GPC3: variants seen among roughly 807,000 people sequenced by gnomAD.
The protein encoded by GPC3 is glypican 3.
Under a neutral mutation model 34.4 loss-of-function variants are expected in GPC3, and 3 were observed. The observed-to-expected ratio is 0.09, with a 90% CI of 0.04 to 0.23. GPC3 has a LOEUF of 0.23. GPC3 is among the 10% of genes least tolerant of loss of function. The pLI is 1.00. For missense variants in GPC3, 351 were observed against 445.6 expected (o/e 0.79, Z 1.91); for synonymous variants, 177 against 174.0 (o/e 1.02, Z -0.13).
chrX:133,795,450 C>T (rs2075573522), intron 2 of GPC3, among the ~76,000 whole-genome samples: 1 of 111,335 alleles, frequency 9.0e-6, no homozygotes, highest in Non-Finnish European at 1.9e-5. Context: ...ATTCATGTTG[C>T]AGTGCCTGGT....
intron 2 of GPC3, among the ~76,000 whole-genome samples, chrX:133,831,257 G>A (rs1000220224): frequency 5.4e-5 from 6 of 111,808 alleles, no homozygotes; most frequent in Non-Finnish European, 1.1e-4. Context: ...TAAAATCTAG[G>A]TCTGTACCTG....
chrX:133,840,048 C>T (rs757921791), intron 2 of GPC3, among the ~76,000 whole-genome samples: 1 of 109,946 alleles, frequency 9.1e-6, no homozygotes, highest in South Asian at 4.0e-4. Context: ...AAAAAAGGAA[C>T]TAGGTATTAG....
At chrX:133,939,256 C>T (rs764931919) in intron 2 of GPC3, among the ~76,000 whole-genome samples, 10 of 112,221 alleles carry the variant, frequency 8.9e-5, no homozygotes, top group African/African-American at 1.9e-4. Context: ...CACCAACTTT[C>T]AACTGGAGAT....
intron 6 of GPC3, among the ~76,000 whole-genome samples, chrX:133,655,498 A>C (rs371525939): frequency 9.3e-6 from 1 of 108,104 alleles, no homozygotes; most frequent in Non-Finnish European, 1.9e-5. Flanking sequence ...ACACACACAC[A>C]CACACACCCA....
chrX:133,879,976 T>A, intron 2 of GPC3, among the ~76,000 whole-genome samples: 1 of 111,349 alleles, frequency 9.0e-6, no homozygotes, highest in Non-Finnish European at 1.9e-5. Context: ...CCCCTAAAAC[T>A]GAATATAATG....
intron 6 of GPC3, among the ~76,000 whole-genome samples, chrX:133,630,311 C>T (rs1471654936): frequency 1.8e-5 from 2 of 111,830 alleles, no homozygotes; most frequent in Admixed American, 1.9e-4. Context: ...TTTTCACCTG[C>T]TCCTAGAGGA....
At chrX:133,890,121 C>A (rs1174561426) in intron 2 of GPC3, among the ~76,000 whole-genome samples, 1 of 110,836 alleles carries the variant, frequency 9.0e-6, no homozygotes, top group Non-Finnish European at 1.9e-5. Flanking sequence ...TGGAATCACA[C>A]TTTATGTACT....
At chrX:133,797,905 C>T (rs1399209159) in intron 2 of GPC3, among the ~76,000 whole-genome samples, 1 of 111,006 alleles carries the variant, frequency 9.0e-6, no homozygotes, top group Non-Finnish European at 1.9e-5. Context: ...TCTCTTCAGC[C>T]TTCTTTCAAT....
intron 2 of GPC3, among the ~76,000 whole-genome samples, chrX:133,857,883 C>G (rs974930457): frequency 8.9e-6 from 1 of 111,819 alleles, no homozygotes; most frequent in Non-Finnish European, 1.9e-5. Flanking sequence ...AGCTGTCAGC[C>G]CTTGTTTTAA....
chrX:133,573,622 T>C (rs1345454332), intron 7 of GPC3, among the ~76,000 whole-genome samples: 1 of 111,983 alleles, frequency 8.9e-6, no homozygotes, highest in Non-Finnish European at 1.9e-5. Flanking sequence ...TATATAGACT[T>C]GCAATAAACT....
At chrX:133,920,126 T>C (rs2124614021) in intron 2 of GPC3, among the ~76,000 whole-genome samples, 1 of 105,061 alleles carries the variant, frequency 9.5e-6, no homozygotes, top group Non-Finnish European at 1.9e-5. Context: ...ATCACACCAC[T>C]ACACCCCAGT....
chrX:133,956,714 T>C (rs1482391928), intron 1 of GPC3, among the ~76,000 whole-genome samples: 1 of 112,027 alleles, frequency 8.9e-6, no homozygotes, highest in African/African-American at 3.2e-5. Flanking sequence ...TTGAGTTTAT[T>C]TGGCAGGGTG....
chrX:133,823,044 G>A (rs1316288273), intron 2 of GPC3, among the ~76,000 whole-genome samples: 1 of 96,265 alleles, frequency 1.0e-5, no homozygotes, highest in African/African-American at 3.9e-5. Context: ...CAGGAGATTC[G>A]CTTGAACTCA....
intron 2 of GPC3, among the ~76,000 whole-genome samples, chrX:133,835,597 C>T (rs1426412937): frequency 8.9e-6 from 1 of 111,906 alleles, no homozygotes; most frequent in East Asian, 2.8e-4. Context: ...TGGCTCTCTA[C>T]TTCCTTCAGG....
At chrX:133,733,696 G>A (rs991397742) in intron 3 of GPC3, among the ~76,000 whole-genome samples, 4 of 110,918 alleles carry the variant, frequency 3.6e-5, no homozygotes, top group African/African-American at 1.3e-4. Flanking sequence ...AATCAGGAAT[G>A]AAAGAGGGGG....
At chrX:133,745,606 C>T (rs1287678766) in intron 3 of GPC3, among the ~76,000 whole-genome samples, 2 of 112,609 alleles carry the variant, frequency 1.8e-5, no homozygotes, top group Non-Finnish European at 3.8e-5. Context: ...GAGAAAACTG[C>T]CACTGTTCTC....
At chrX:133,709,062 T>C (rs1341577418) in intron 3 of GPC3, among the ~76,000 whole-genome samples, 1 of 112,301 alleles carries the variant, frequency 8.9e-6, no homozygotes, top group Non-Finnish European at 1.9e-5. Flanking sequence ...TGTGGATCTA[T>C]TTCTGAACTC....
chrX:133,890,130 CT>C (rs1293393941), intron 2 of GPC3, among the ~76,000 whole-genome samples: 3 of 110,855 alleles, frequency 2.7e-5, no homozygotes, highest in African/African-American at 6.6e-5. Flanking sequence ...ACTTTATGTA[CT>C]GTTTTATCAC....
In GPC3 at chrX:133,985,245, G is replaced by T. The variant is rs759330240; in HGVS notation, c.175+30C>A. 147 of 1,203,976 alleles carry T rather than the reference G, an allele frequency of 1.2e-4. 1 individual carries two copies. The highest frequency in any genetic ancestry group is 1.8e-5 in the South Asian group (1 of 56,250). ...ACGCGCGCCTTGCTCCCCGCTGGGC[G>T]CTAGGCACGCTCAAGGGACCCCTCC... On this transcript the variant is annotated intron_variant, in intron 1 of 7. Coordinates refer to ENST00000370818, the MANE Select transcript of GPC3 (RefSeq NM_004484.4).
Sources: allele counts gnomAD v4.1 joint callset (sites outside exome capture counted in the v4.1 genomes callset), GRCh38; gene constraint gnomAD v4.1.1; transcripts MANE v1.5; gene names NCBI Gene and HGNC (gene_info 2026-07-23, HGNC 2026-07-21).